The following HSD17B6 variants were observed in gnomAD, a reference collection of about 807,000 sequenced individuals.
The protein encoded by HSD17B6 is hydroxysteroid 17-beta dehydrogenase 6, also known as 17-beta-hydroxysteroid dehydrogenase type 6.
A neutral mutation model predicts 26.4 loss-of-function variants in HSD17B6; 16 were observed. That is an observed-to-expected ratio of 0.61 (90% CI 0.41 to 0.92). The LOEUF (loss-of-function observed/expected upper bound fraction) is 0.92, where lower values mean the gene tolerates loss of function less well. Among genes scored for constraint, HSD17B6 ranks in the 40% least tolerant of loss-of-function variants. HSD17B6 has a pLI of 0.00. For synonymous variants in HSD17B6, 139 were observed against 153.0 expected (o/e 0.91, Z 0.68); for missense variants, 357 against 386.1 (o/e 0.92, Z 0.63).
chr12:56,783,645 C>T (rs1169763815), intron 3 of HSD17B6, among the ~76,000 whole-genome samples: 2 of 9,726 alleles, frequency 2.1e-4, no homozygotes, highest in Non-Finnish European at 3.4e-4. Context: ...GGGGGCTGAC[C>T]CCCCCCACCT....
At chr12:56,778,718 A>G (rs965122868) in intron 2 of HSD17B6, among the ~76,000 whole-genome samples, 4 of 132,924 alleles carry the variant, frequency 3.0e-5, no homozygotes, top group African/African-American at 8.7e-5. Context: ...TCAGTCGCCC[A>G]GGCTGGAGTG....
At chr12:56,783,596 C>T (rs1315671042) in intron 3 of HSD17B6, among the ~76,000 whole-genome samples, 1 of 141,714 alleles carries the variant, frequency 7.1e-6, no homozygotes, top group Non-Finnish European at 1.6e-5. Context: ...GGGGGCTGAC[C>T]CCCCCACCTC....
chr12:56,782,741 G>A (rs562095356), intron 3 of HSD17B6, among the ~76,000 whole-genome samples: 3 of 151,682 alleles, frequency 2.0e-5, no homozygotes, highest in Admixed American at 1.3e-4. Context: ...GGACACTAGT[G>A]GGGGGAAGGT....
intron 1 of HSD17B6, among the ~76,000 whole-genome samples, chr12:56,763,681 C>G (rs1170830133): frequency 6.6e-6 from 1 of 151,920 alleles, no homozygotes; most frequent in Non-Finnish European, 1.5e-5. Context: ...AATAGGGACT[C>G]TGGGTATCCT....
chr12:56,772,697 CAAAAAAA>C (rs374835392), intron 1 of HSD17B6, among the ~76,000 whole-genome samples: 3 of 62,728 alleles, frequency 4.8e-5, no homozygotes. Flanking sequence ...AACTCTGTCT[CAAAAAAA>C]AAAAAAAAAG....
chr12:56,764,342 T>C (rs1447749589), intron 1 of HSD17B6, among the ~76,000 whole-genome samples: 5 of 152,112 alleles, frequency 3.3e-5, no homozygotes, highest in Admixed American at 2.0e-4. Flanking sequence ...TACTTTGCCA[T>C]GTATTATATT....
At position 56,781,989 on chromosome 12, in the gene HSD17B6, T is replaced by G. The variant is rs1954724670; in HGVS notation, c.329T>G (p.Val110Gly). 1 of 1,614,012 alleles carries G rather than the reference T, an allele frequency of 6.2e-7. No individual in the cohort carries two copies. Among genetic ancestry groups the G allele is most frequent in the Admixed American group, 1.7e-5 (1 of 60,004 alleles). ...ATTGTTTTAGGACTCTGGGGACTGG[T>G]GAACAATGCAGGCATTCTTACACCA... ...HVGDRGLWGL[V>G]NNAGILTPIT... Residue 110 changes from valine (V) to glycine (G), a missense_variant, in exon 3 of 5, where the codon GTG becomes GGG. Coordinates refer to ENST00000322165, the MANE Select transcript of HSD17B6 (RefSeq NM_003725.4).
chr12:56,776,911 T>C (rs773058927), intron 2 of HSD17B6, among the ~76,000 whole-genome samples: 13 of 152,236 alleles, frequency 8.5e-5, no homozygotes, highest in Non-Finnish European at 1.6e-4. Context: ...TTGGTTGTTT[T>C]CAGTTTTTGG....
chr12:56,771,783 T>C (rs1954479072), intron 1 of HSD17B6, among the ~76,000 whole-genome samples: 1 of 152,130 alleles, frequency 6.6e-6, no homozygotes, highest in Non-Finnish European at 1.5e-5. Flanking sequence ...AATTATCCTT[T>C]TGATATGGTT....
intron 2 of HSD17B6, among the ~76,000 whole-genome samples, chr12:56,779,144 A>AT (rs1322850215): frequency 4.7e-5 from 7 of 148,574 alleles, no homozygotes; most frequent in East Asian, 3.9e-4. Flanking sequence ...TTATTATTTT[A>AT]TTTTTTTTTA....
At position 56,774,161 on chromosome 12, in the gene HSD17B6, C is replaced by T. The variant is rs1266089695; in HGVS notation, c.309C>T (p.Asp103=). Residue 103 remains aspartate, a synonymous_variant, in exon 2 of 5, where the codon GAC becomes GAT. Coordinates refer to ENST00000322165, the MANE Select transcript of HSD17B6 (RefSeq NM_003725.4). ...AGTGGGTGAAGGAGCATGTGGGGGA[C>T]AGAGGTATGAAATATTTTCTCCTTT... is the stretch of plus-strand genomic sequence containing the variant. ...ATQWVKEHVG[D]RGLWGLVNNA... is the part of the protein sequence containing the mutation. 6.5e-7 allele frequency: 1 copy of T among 1,545,926 alleles called. No homozygotes were observed. The highest frequency in any genetic ancestry group is 1.4e-5 in the African/African-American group (1 of 72,748).
intron 2 of HSD17B6, among the ~76,000 whole-genome samples, chr12:56,781,029 G>A (rs745795599): frequency 1.3e-5 from 2 of 151,742 alleles, no homozygotes; most frequent in Non-Finnish European, 2.9e-5. Flanking sequence ...TACCCTTTCC[G>A]CAAAAAGTGA....
chr12:56,783,345 G>A (rs1160818481), intron 3 of HSD17B6, among the ~76,000 whole-genome samples: 3 of 137,142 alleles, frequency 2.2e-5, no homozygotes, highest in Non-Finnish European at 3.2e-5. Flanking sequence ...CCCGGACGGG[G>A]CGGCTGGCCG....
intron 1 of HSD17B6, among the ~76,000 whole-genome samples, chr12:56,769,173 G>T (rs1355632125): frequency 6.6e-6 from 1 of 150,848 alleles, no homozygotes; most frequent in Non-Finnish European, 1.5e-5. Context: ...CGTGATCTTG[G>T]CTTACTGCAA....
intron 3 of HSD17B6, among the ~76,000 whole-genome samples, chr12:56,782,660 A>ATTTT (rs62818963): frequency 7.5e-6 from 1 of 133,104 alleles, no homozygotes; most frequent in Admixed American, 7.6e-5. Flanking sequence ...TGCCCAGCTA[A>ATTTT]TTTTTTTTTT....
intron 2 of HSD17B6, among the ~76,000 whole-genome samples, chr12:56,781,670 T>C (rs1054534307): frequency 6.6e-6 from 1 of 152,004 alleles, no homozygotes; most frequent in African/African-American, 2.4e-5. Flanking sequence ...GGTGTGGTGG[T>C]GCGTGCCTGT....
At chr12:56,782,642 C>G (rs891043386) in intron 3 of HSD17B6, among the ~76,000 whole-genome samples, 2 of 151,292 alleles carry the variant, frequency 1.3e-5, no homozygotes, top group African/African-American at 2.4e-5. Flanking sequence ...TATGGGTGCA[C>G]GCTGCCATGC....
chr12:56,784,689 G>C (rs113125925), intron 3 of HSD17B6, among the ~76,000 whole-genome samples, 164 bp from the exon 4 acceptor site: 1 of 152,134 alleles, frequency 6.6e-6, no homozygotes, highest in Non-Finnish European at 1.5e-5. Context: ...GAGGGAGACC[G>C]TGGGGAGAGG....
intron 2 of HSD17B6, among the ~76,000 whole-genome samples, chr12:56,779,144 A>AC (rs1954658038): frequency 6.7e-6 from 1 of 148,684 alleles, no homozygotes; most frequent in East Asian, 2.0e-4. Context: ...TTATTATTTT[A>AC]TTTTTTTTTA....
Sources: allele counts gnomAD v4.1 joint callset (sites outside exome capture counted in the v4.1 genomes callset), GRCh38; gene constraint gnomAD v4.1.1; transcripts MANE v1.5; gene names NCBI Gene and HGNC (gene_info 2026-07-23, HGNC 2026-07-21).